The following HMGCLL1 variants were observed in gnomAD, a reference collection of about 807,000 sequenced individuals.
HMGCLL1 encodes the protein 3-hydroxy-3-methylglutaryl-CoA lyase like 1.
HMGCLL1 carries 36 observed loss-of-function variants against 39.1 expected under a neutral mutation model. The observed-to-expected ratio is 0.92, with a 90% CI of 0.71 to 1.22. The LOEUF is 1.22. Among genes scored for constraint, HMGCLL1 ranks in the 50% most tolerant of loss-of-function variants. The pLI is 0.00. For synonymous variants in HMGCLL1, 149 were observed against 144.0 expected (o/e 1.03, Z -0.25); for missense variants, 451 against 416.5 (o/e 1.08, Z -0.72).
chr6:55,637,966 G>A, the HMGCLL1 span, among the ~76,000 whole-genome samples: 2 of 152,040 alleles, frequency 1.3e-5, no homozygotes, highest in Admixed American at 6.6e-5. Flanking sequence ...CCATATTACT[G>A]TCAAATGTTG....
At position 55,541,725 on chromosome 6, in the gene HMGCLL1, A is replaced by C; in HGVS notation, c.297+4T>G. On this transcript the variant is annotated splice_donor_region_variant and intron_variant, in intron 3 of 8. Transcript: ENST00000274901. ...TCTAATTAAGAAATTGTGGGTTTAC[A>C]TACCTGTGGTACCCATCTGGAAGAC... is the stretch of plus-strand genomic sequence containing the variant. 1 of 1,495,218 alleles carries C rather than the reference A, an allele frequency of 6.7e-7. No homozygotes were observed. The highest frequency in any genetic ancestry group is 2.0e-5 in the Admixed American group (1 of 49,618). 92.6% of individuals were successfully genotyped at this position (1,495,218 alleles called of 1,614,324 possible). A position where few individuals can be genotyped will look rare whatever the true frequency, so the allele number is the denominator to read the frequency against.
intron 3 of HMGCLL1, among the ~76,000 whole-genome samples, chr6:55,522,690 C>G (rs559170289): frequency 3.0e-4 from 45 of 152,144 alleles, no homozygotes; most frequent in African/African-American, 1.0e-3. Flanking sequence ...ATATGTAATT[C>G]TCTCATACCC....
At chr6:55,586,097 G>C in the HMGCLL1 span, among the ~76,000 whole-genome samples, 1 of 152,050 alleles carries the variant, frequency 6.6e-6, no homozygotes. Context: ...GCTAAACAAG[G>C]TAGTCAACAC....
the HMGCLL1 span, among the ~76,000 whole-genome samples, chr6:55,614,260 T>G: frequency 6.6e-6 from 1 of 152,118 alleles, no homozygotes; most frequent in South Asian, 2.1e-4. Context: ...CTGTAGGAGA[T>G]ATTTAGTTCA....
chr6:55,445,477 A>T (rs1377611100), intron 7 of HMGCLL1, among the ~76,000 whole-genome samples: 1 of 152,058 alleles, frequency 6.6e-6, no homozygotes, highest in Non-Finnish European at 1.5e-5. Context: ...GTGGAAAGAC[A>T]TTTTTACTTA....
chr6:55,628,761 T>C, the HMGCLL1 span, among the ~76,000 whole-genome samples: 7 of 152,196 alleles, frequency 4.6e-5, no homozygotes, highest in East Asian at 1.4e-3. Flanking sequence ...CATGCTGTTC[T>C]CATGATAGTG....
intron 1 of HMGCLL1, among the ~76,000 whole-genome samples, chr6:55,545,555 T>C (rs1051448193): frequency 1.3e-5 from 2 of 152,132 alleles, no homozygotes; most frequent in African/African-American, 4.8e-5. Flanking sequence ...GTACAGTCCA[T>C]ATGTCATGCA....
the HMGCLL1 span, among the ~76,000 whole-genome samples, chr6:55,671,936 A>G: frequency 1.3e-5 from 2 of 151,776 alleles, no homozygotes; most frequent in Admixed American, 6.6e-5. Context: ...AGTGAAGAAT[A>G]TGCTAGCCTA....
the HMGCLL1 span, among the ~76,000 whole-genome samples, chr6:55,586,558 C>T: frequency 6.9e-6 from 1 of 145,932 alleles, no homozygotes; most frequent in Non-Finnish European, 1.5e-5. Context: ...CCCCACCCTA[C>T]AACAGGCCCC....
intron 8 of HMGCLL1, among the ~76,000 whole-genome samples, chr6:55,436,077 G>A (rs1164255226): frequency 6.6e-6 from 1 of 151,790 alleles, no homozygotes; most frequent in African/African-American, 2.4e-5. Flanking sequence ...AACTAGAAAA[G>A]CAGTCAACAA....
the HMGCLL1 span, among the ~76,000 whole-genome samples, chr6:55,644,273 G>GC: frequency 1.3e-5 from 2 of 151,924 alleles, no homozygotes; most frequent in Non-Finnish European, 2.9e-5. Context: ...AGTTGTTTGA[G>GC]CCCCTTATAT....
the HMGCLL1 span, among the ~76,000 whole-genome samples, chr6:55,633,900 C>T: frequency 3.0e-4 from 45 of 152,140 alleles, no homozygotes; most frequent in African/African-American, 1.0e-3. Context: ...AGTCAAATTC[C>T]TCAAGTATCC....
At chr6:55,511,451 G>GTAA (rs1407361390) in intron 5 of HMGCLL1, among the ~76,000 whole-genome samples, 2 of 151,986 alleles carry the variant, frequency 1.3e-5, no homozygotes, top group African/African-American at 4.8e-5. Context: ...CTTCATAACT[G>GTAA]TAATAAAAGC....
the HMGCLL1 span, among the ~76,000 whole-genome samples, chr6:55,635,259 G>T: frequency 1.3e-5 from 2 of 152,092 alleles, no homozygotes; most frequent in African/African-American, 4.8e-5. Flanking sequence ...TAATGGTAGG[G>T]TAAATAGACA....
the HMGCLL1 span, among the ~76,000 whole-genome samples, chr6:55,591,725 GC>G: frequency 2.1e-5 from 3 of 145,386 alleles, no homozygotes; most frequent in South Asian, 4.4e-4. Context: ...TAATTTTCTT[GC>G]CAAAAGTTTC....
chr6:55,436,786 T>C (rs1763388126), intron 8 of HMGCLL1, among the ~76,000 whole-genome samples: 1 of 152,070 alleles, frequency 6.6e-6, no homozygotes, highest in Non-Finnish European at 1.5e-5. Context: ...ATATAGCTAA[T>C]TACTTATCTC....
chr6:55,474,720 T>C (rs1765210759), intron 7 of HMGCLL1, among the ~76,000 whole-genome samples: 1 of 151,472 alleles, frequency 6.6e-6, no homozygotes, highest in Admixed American at 6.6e-5. Context: ...AGCCTACACA[T>C]TGTATCTGGT....
the HMGCLL1 span, among the ~76,000 whole-genome samples, chr6:55,639,546 G>T: frequency 6.6e-6 from 1 of 151,848 alleles, no homozygotes; most frequent in Admixed American, 6.6e-5. Flanking sequence ...GAGATGAATA[G>T]TCTATGAAAG....
At chr6:55,643,444 G>C in the HMGCLL1 span, among the ~76,000 whole-genome samples, 1 of 151,980 alleles carries the variant, frequency 6.6e-6, no homozygotes, top group Non-Finnish European at 1.5e-5. Context: ...CATTGAATTT[G>C]TAAATTGCTT....
Sources: allele counts gnomAD v4.1 joint callset (sites outside exome capture counted in the v4.1 genomes callset), GRCh38; gene constraint gnomAD v4.1.1; transcripts MANE v1.5; gene names NCBI Gene and HGNC (gene_info 2026-07-23, HGNC 2026-07-21).